EDA: variants seen among roughly 807,000 people sequenced by gnomAD.
EDA encodes ectodysplasin-A.
In EDA, 2 loss-of-function variants were observed where a neutral mutation model predicts 23.6. The observed-to-expected ratio is 0.08, with a 90% CI of 0.03 to 0.27. EDA has a LOEUF of 0.27. Ranked by LOEUF, EDA falls within the 10% of genes least tolerant of loss-of-function variation. The pLI is 1.00. For synonymous variants in EDA, 131 were observed against 132.0 expected, an observed-to-expected ratio of 0.99 and a Z score of 0.05; for missense variants, 229 against 324.2, an observed-to-expected ratio of 0.71 and a Z score of 2.26.
chrX:69,888,978 T>TAGATATATATATATATA lies in EDA; in HGVS notation c.397-68049_397-68048insAGATATATATATATATA, dbSNP rs1556026049. Among the ~76,000 whole-genome samples the TAGATATATATATATATA allele has an allele frequency of 5.2e-3, 83 of 16,013 alleles. 1 individual carries two copies. Among genetic ancestry groups the TAGATATATATATATATA allele is most frequent in the East Asian group, 0.02 (6 of 307 alleles). 13.9% of individuals were successfully genotyped at this position (16,013 alleles called of 115,157 possible). ...GTGGAATTGTTGTATTGTGGGGTAG[T>TAGATATATATATATATA]TATATATATATATATATATATATAT... On this transcript the variant is annotated intron_variant, in intron 1 of 7. Transcript: ENST00000374552.
chrX:69,645,596 G>GTATATATATATATATATATATA (rs1468818816), intron 1 of EDA, among the ~76,000 whole-genome samples: 2 of 29,536 alleles, frequency 6.8e-5, no homozygotes, highest in Admixed American at 4.6e-4. Context: ...ATATATATGT[G>GTATATATATATATATATATATA]TGTGTGTATA....
intron 1 of EDA, among the ~76,000 whole-genome samples, chrX:69,721,373 C>T (rs766213783): frequency 8.9e-6 from 1 of 111,881 alleles, no homozygotes; most frequent in South Asian, 3.8e-4. Flanking sequence ...TCTTTCCTAA[C>T]GTGTTTGAGT....
At chrX:69,885,577 T>C (rs1033147334) in intron 1 of EDA, among the ~76,000 whole-genome samples, 1 of 112,280 alleles carries the variant, frequency 8.9e-6, no homozygotes, top group Non-Finnish European at 1.9e-5. Context: ...TGAAACAGGA[T>C]GCTGTTCATA....
intron 1 of EDA, among the ~76,000 whole-genome samples, chrX:69,828,680 G>T (rs1401229702): frequency 8.9e-6 from 1 of 112,358 alleles, no homozygotes; most frequent in African/African-American, 3.2e-5. Context: ...CTCACGCTGG[G>T]AGCTGTAGAC....
intron 1 of EDA, among the ~76,000 whole-genome samples, chrX:69,863,573 ATG>A (rs199961109): frequency 0.021 from 1,352 of 64,260 alleles, 20 homozygotes; most frequent in African/African-American, 0.077. Context: ...GTGTGTATAT[ATG>A]TGTGTGTATA....
At chrX:69,636,024 C>T (rs763838848) in intron 1 of EDA, among the ~76,000 whole-genome samples, 2 of 110,607 alleles carry the variant, frequency 1.8e-5, no homozygotes, top group African/African-American at 3.3e-5. Context: ...TCTATGCTTA[C>T]TCCTGTCACT....
intron 1 of EDA, among the ~76,000 whole-genome samples, chrX:69,757,713 A>G (rs910312484): frequency 3.6e-5 from 4 of 112,058 alleles, no homozygotes. Context: ...GCCATTGTGG[A>G]TATTGTGTCA....
chrX:69,897,109 A>G (rs1442172167), intron 1 of EDA, among the ~76,000 whole-genome samples: 1 of 111,113 alleles, frequency 9.0e-6, no homozygotes, highest in Non-Finnish European at 1.9e-5. Context: ...TCTGAGGTAG[A>G]GAAAAAAATT....
At chrX:69,668,334 T>G (rs1933759260) in intron 1 of EDA, among the ~76,000 whole-genome samples, 1 of 112,104 alleles carries the variant, frequency 8.9e-6, no homozygotes, top group Non-Finnish European at 1.9e-5. Flanking sequence ...CTAGATATGA[T>G]TTCAATCTTT....
intron 1 of EDA, among the ~76,000 whole-genome samples, chrX:69,828,118 A>G (rs1023491306): frequency 9.0e-6 from 1 of 110,777 alleles, no homozygotes; most frequent in Non-Finnish European, 1.9e-5. Flanking sequence ...TCAGACAGGG[A>G]CATTTAAGTC....
intron 2 of EDA, among the ~76,000 whole-genome samples, chrX:70,015,899 A>G (rs1209262791): frequency 9.0e-6 from 1 of 111,599 alleles, no homozygotes; most frequent in African/African-American, 3.3e-5. Flanking sequence ...AAATGGGACA[A>G]ATGCACCAAT....
At chrX:69,919,292 C>A (rs1282461127) in intron 1 of EDA, among the ~76,000 whole-genome samples, 1 of 112,213 alleles carries the variant, frequency 8.9e-6, no homozygotes, top group African/African-American at 3.2e-5. Context: ...TACTATGCAA[C>A]ATGAGAATAT....
intron 2 of EDA, among the ~76,000 whole-genome samples, chrX:69,962,539 C>T (rs1340159547): frequency 1.8e-5 from 2 of 111,753 alleles, no homozygotes; most frequent in Non-Finnish European, 3.8e-5. Flanking sequence ...TCAAGTAATT[C>T]TCCTGCCTCA....
intron 1 of EDA, among the ~76,000 whole-genome samples, chrX:69,862,727 A>G (rs2017406207): frequency 8.9e-6 from 1 of 111,743 alleles, no homozygotes; most frequent in Non-Finnish European, 1.9e-5. Context: ...TACAGGTATG[A>G]GCCACTGTGC....
chrX:69,678,970 G>C (rs1934220325), intron 1 of EDA, among the ~76,000 whole-genome samples: 1 of 86,549 alleles, frequency 1.2e-5, no homozygotes, highest in Non-Finnish European at 2.2e-5. Context: ...GTCATAGATA[G>C]CTCTTATTAT....
rs12863908 is a variant in EDA, at chrX:69,616,119, C to T, written c.-190C>T. ...CTCTCCCGCCCCTCCTCCTCCCTTT[C>T]CCACCCCTCGGAGTAGAGCTGCACA... On this transcript the variant is annotated 5_prime_UTR_variant, in exon 1 of 8. Transcript: ENST00000374552. 43 of 284,794 alleles carry T rather than the reference C, an allele frequency of 1.5e-4. No individual in the cohort carries two copies. In the Admixed American group the frequency reaches 2.1e-3, roughly 14 times the overall value. 23.5% of individuals were successfully genotyped at this position (284,794 alleles called of 1,213,427 possible).
At chrX:69,913,031 G>C in intron 1 of EDA, among the ~76,000 whole-genome samples, 1 of 111,691 alleles carries the variant, frequency 9.0e-6, no homozygotes, top group Non-Finnish European at 1.9e-5. Flanking sequence ...GCCTCCCAAA[G>C]TGCTGGGATT....
At chrX:69,992,312 G>A (rs1428820706) in intron 2 of EDA, among the ~76,000 whole-genome samples, 1 of 111,756 alleles carries the variant, frequency 8.9e-6, no homozygotes, top group African/African-American at 3.3e-5. Flanking sequence ...GTATTTAGTT[G>A]TAGTTAAAAG....
At chrX:69,878,556 G>A (rs1397512496) in intron 1 of EDA, among the ~76,000 whole-genome samples, 1 of 112,095 alleles carries the variant, frequency 8.9e-6, no homozygotes, top group African/African-American at 3.2e-5. Context: ...AACTAAGCCT[G>A]AACAGAACTT....
Sources: allele counts gnomAD v4.1 joint callset (sites outside exome capture counted in the v4.1 genomes callset), GRCh38; gene constraint gnomAD v4.1.1; transcripts MANE v1.5; gene names NCBI Gene and HGNC (gene_info 2026-07-23, HGNC 2026-07-21).